The following SMAD2 variants were observed in gnomAD, a reference collection of about 807,000 sequenced individuals.
SMAD2 encodes the protein MAD homolog 2.
SMAD2 carries 8 observed loss-of-function variants against 64.4 expected under a neutral mutation model. That is an observed-to-expected ratio of 0.12 (90% CI 0.07 to 0.22). SMAD2 has a LOEUF of 0.22. SMAD2 is among the 10% of genes least tolerant of loss of function. The pLI is 1.00. For synonymous variants in SMAD2, 203 were observed against 195.8 expected (o/e 1.04, Z -0.31); for missense variants, 289 against 561.2 (o/e 0.51, Z 4.90).
chr18:47,845,151 C>T (rs559905707), intron 10 of SMAD2, 189 bp downstream of exon 10: 2 of 667,984 alleles, frequency 3.0e-6, no homozygotes, highest in East Asian at 5.4e-5. Context: ...GTTTTAATAT[C>T]TTCCATAATG....
rs1305523001 is a variant in SMAD2, at chr18:47,869,405, G to T, written c.358C>A (p.Arg120=). The change falls in exon 4 of 11, where the codon CGA becomes AGA. Residue 120 remains arginine, a synonymous_variant. Transcript: ENST00000262160. The part of the protein sequence containing the change: ...SLDGRLQVSH[R]KGLPHVIYCR... ...TATATAACATGTGGCAATCCTTTTC[G>T]ATGGGATACCTGGAGACGACCATCA... 6.2e-7 allele frequency: 1 copy of T among 1,612,268 alleles called. No individual in the cohort carries two copies. The highest frequency in any genetic ancestry group is 2.2e-5 in the East Asian group (1 of 44,812).
Position 47,831,852 on chromosome 18 carries a change from T to A in SMAD2, c.*9975A>T, listed in dbSNP as rs1269222501. On this transcript the variant is annotated 3_prime_UTR_variant, in exon 11 of 11. Transcript: ENST00000262160. ...ATTGCAGCAAAAGATAATTTTTATG[T>A]GTAAATTAGCTTTTTGGGTTTTTCT... is the stretch of plus-strand genomic sequence containing the variant. The A allele has an allele frequency of 1.3e-5, 2 of 152,238 alleles. No individual in the cohort carries two copies. Among genetic ancestry groups the A allele is most frequent in the Non-Finnish European group, 2.9e-5 (2 of 68,030 alleles). The allele number at this position is 152,238 out of a possible 1,614,324, so 9.4% of individuals were successfully genotyped here.
Position 47,837,830 on chromosome 18 carries a change from G to A in SMAD2, c.*3997C>T, listed in dbSNP as rs943236138. The A allele has an allele frequency of 2.1e-5, 5 of 232,768 alleles. No individual in the cohort carries two copies. Among genetic ancestry groups the A allele is most frequent in the African/African-American group, 1.1e-4 (5 of 45,280 alleles). 14.4% of individuals were successfully genotyped at this position (232,768 alleles called of 1,614,324 possible). A position where few individuals can be genotyped will look rare whatever the true frequency, so the allele number is the denominator to read the frequency against. On this transcript the variant is annotated 3_prime_UTR_variant, in exon 11 of 11. Transcript: ENST00000262160. ...TACTTGGTGGGCAGGGGCTTGGGAG[G>A]GAAGGCGCAAATTGGAATGTTCAGC... is the stretch of plus-strand genomic sequence containing the variant.
chr18:47,905,905 T>C (rs1328065914), intron 1 of SMAD2, among the ~76,000 whole-genome samples: 2 of 151,984 alleles, frequency 1.3e-5, no homozygotes, highest in Admixed American at 6.5e-5. Flanking sequence ...TGAGCTCTAG[T>C]GTTCAAGACC....
rs951095875 is a variant in SMAD2 at position 47,833,583 on chromosome 18, G to GA, written c.*8243dup. The GA allele has an allele frequency of 7.8e-5, 18 of 230,386 alleles. No individual in the cohort carries two copies. The highest frequency in any genetic ancestry group is 2.2e-4 in the African/African-American group (10 of 45,122). 14.3% of individuals were successfully genotyped at this position (230,386 alleles called of 1,614,324 possible). On this transcript the variant is annotated 3_prime_UTR_variant, in exon 11 of 11. Coordinates refer to ENST00000262160, the MANE Select transcript of SMAD2 (RefSeq NM_005901.6). Reference sequence around the variant, plus strand: ...GCATTACAAAGTTAATGCCATCAGAGAAAAAAAATCTCACCTCACGTGCTC... The same window carrying GA: ...GCATTACAAAGTTAATGCCATCAGAGAAAAAAAAATCTCACCTCACGTGCTC...
rs967315056 is a variant in SMAD2 at position 47,815,792 on chromosome 18, T to C, written c.*26035A>G. On this transcript the variant is annotated 3_prime_UTR_variant, in exon 11 of 11. Coordinates refer to ENST00000262160, the MANE Select transcript of SMAD2 (RefSeq NM_005901.6). The stretch of plus-strand genomic sequence containing the variant: ...AGTTATGGGGCTTGCAAGGACATTG[T>C]CTTAATTTTCCTGTTGTCTTAACAG... 2 of 152,206 alleles carry C rather than the reference T, an allele frequency of 1.3e-5. No homozygotes were observed. Among genetic ancestry groups the C allele is most frequent in the Admixed American group, 6.5e-5 (1 of 15,278 alleles). 9.4% of individuals were successfully genotyped at this position (152,206 alleles called of 1,614,324 possible).
At chr18:47,845,182 A>G in intron 10 of SMAD2, 158 bp downstream of exon 10, 1 of 743,936 alleles carries the variant, frequency 1.3e-6, no homozygotes, top group Non-Finnish European at 2.3e-6. Context: ...AATTTGCAAC[A>G]GTTTTGAATT....
intron 2 of SMAD2, among the ~76,000 whole-genome samples, chr18:47,876,843 G>C (rs1430410583): frequency 4.6e-5 from 7 of 151,900 alleles, no homozygotes; most frequent in Admixed American, 2.0e-4. Context: ...TTAACATTTT[G>C]CACTTTGTTC....
intron 1 of SMAD2, among the ~76,000 whole-genome samples, chr18:47,929,590 T>C (rs1353342141): frequency 6.6e-6 from 1 of 152,272 alleles, no homozygotes; most frequent in Admixed American, 6.5e-5. Flanking sequence ...CCTGGAAATT[T>C]CTTTTTTAAA....
Position 47,928,483 on chromosome 18 carries a change from T to C in SMAD2, c.-54+1878A>G, listed in dbSNP as rs576963180. Among the ~76,000 whole-genome samples the C allele has an allele frequency of 7.9e-5, 12 of 152,306 alleles. No homozygotes were observed. The East Asian group carries it at 2.1e-3, about 27-fold the overall frequency. On this transcript the variant is annotated intron_variant, in intron 1 of 10. Transcript: ENST00000262160. The stretch of plus-strand genomic sequence containing the variant: ...AACCTCTGGCCATCTTGAAGTAGAA[T>C]AGAAACAACCTTTGTTCCTACTAAA...
At chr18:47,921,306 A>C (rs986958056) in intron 1 of SMAD2, among the ~76,000 whole-genome samples, 1 of 152,254 alleles carries the variant, frequency 6.6e-6, no homozygotes, top group Middle Eastern at 3.2e-3. Context: ...TAATATACAC[A>C]CAAAATTGTT....
At chr18:47,845,136 T>C (rs1914369160) in intron 10 of SMAD2, 4 of 649,514 alleles carry the variant, frequency 6.2e-6, no homozygotes, top group Non-Finnish European at 1.1e-5. Flanking sequence ...TGCACGCCTG[T>C]GCATGTTTTA....
intron 1 of SMAD2, chr18:47,920,168 A>C (rs949955955): frequency 6.6e-6 from 1 of 152,146 alleles, no homozygotes. Context: ...TTTTTCAGGT[A>C]TCTACACATG....
intron 1 of SMAD2, among the ~76,000 whole-genome samples, chr18:47,929,776 AGTT>A (rs2034921546): frequency 6.6e-6 from 1 of 152,212 alleles, no homozygotes; most frequent in Non-Finnish European, 1.5e-5. Flanking sequence ...GAACAAAGTA[AGTT>A]GCAATTTTAA....
chr18:47,874,407 C>A (rs189612263), intron 2 of SMAD2, among the ~76,000 whole-genome samples: 303 of 152,074 alleles, frequency 2.0e-3, no homozygotes, highest in Non-Finnish European at 3.0e-3. Context: ...CCAGAAGAAC[C>A]GCTAGGAAAG....
intron 6 of SMAD2, among the ~76,000 whole-genome samples, chr18:47,861,478 T>C (rs974716718): frequency 2.0e-5 from 3 of 152,118 alleles, no homozygotes; most frequent in African/African-American, 7.2e-5. Context: ...GTATTTCCCA[T>C]ATCCTAGGAA....
At chr18:47,859,910 A>G (rs2031029939) in intron 6 of SMAD2, among the ~76,000 whole-genome samples, 1 of 152,222 alleles carries the variant, frequency 6.6e-6, no homozygotes, top group South Asian at 2.1e-4. Context: ...AACAAATATC[A>G]GAAATAACTT....
chr18:47,891,637 G>T (rs927319299), intron 2 of SMAD2, among the ~76,000 whole-genome samples: 1 of 151,702 alleles, frequency 6.6e-6, no homozygotes, highest in Non-Finnish European at 1.5e-5. Flanking sequence ...TGACCCTCCT[G>T]CCTCAACCTC....
chr18:47,928,362 G>A (rs957024505), intron 1 of SMAD2, among the ~76,000 whole-genome samples: 1 of 152,136 alleles, frequency 6.6e-6, no homozygotes, highest in Non-Finnish European at 1.5e-5. Context: ...CAGCTAAACC[G>A]AGTTTTTCCA....
Sources: gnomAD v4.1 joint callset for allele counts (sites outside exome capture counted in the v4.1 genomes callset) on GRCh38, gnomAD v4.1.1 for gene constraint, MANE v1.5 for transcripts, NCBI Gene and HGNC (gene_info 2026-07-23, HGNC 2026-07-21) for gene names.